Variants in DCC observed in about 807,000 individuals in gnomAD.
The protein encoded by DCC is netrin receptor DCC.
Under a neutral mutation model 172.5 loss-of-function variants are expected in DCC, and 58 were observed. That is an observed-to-expected ratio of 0.34 (90% CI 0.27 to 0.42). DCC has a LOEUF of 0.42. Among genes scored for constraint, DCC ranks in the 10% least tolerant of loss-of-function variants. The probability of loss-of-function intolerance (pLI) is 1.00; values close to 1 mark genes in which losing one functional copy is unlikely to be tolerated. For missense variants in DCC, 1,740 were observed against 1,791.0 expected (o/e 0.97, Z 0.51); for synonymous variants, 709 against 644.5 (o/e 1.10, Z -1.52).
chr18:52,824,077 T>C (rs1055119322), intron 2 of DCC, among the ~76,000 whole-genome samples: 1 of 152,152 alleles, frequency 6.6e-6, no homozygotes, highest in Non-Finnish European at 1.5e-5. Flanking sequence ...CCATGGCCAG[T>C]TGGTATCTTT....
At chr18:52,533,728 T>C (rs539913374) in intron 1 of DCC, among the ~76,000 whole-genome samples, 1 of 151,350 alleles carries the variant, frequency 6.6e-6, no homozygotes, top group East Asian at 1.9e-4. Flanking sequence ...TGTGTGTGAA[T>C]ACAAGTTTTT....
intron 1 of DCC, among the ~76,000 whole-genome samples, chr18:52,430,806 A>G (rs1987595997): frequency 6.6e-6 from 1 of 152,154 alleles, no homozygotes; most frequent in South Asian, 2.1e-4. Context: ...GGGATGGAGA[A>G]AACACTCTCA....
chr18:53,072,178 T>C (rs2042662022), intron 7 of DCC, among the ~76,000 whole-genome samples: 2 of 151,988 alleles, frequency 1.3e-5, no homozygotes, highest in Admixed American at 1.3e-4. Flanking sequence ...GAATAAGAAG[T>C]TTCAGTAGCC....
intron 1 of DCC, among the ~76,000 whole-genome samples, chr18:52,469,050 T>C (rs929020838): frequency 2.0e-5 from 3 of 151,126 alleles, no homozygotes; most frequent in Non-Finnish European, 4.4e-5. Flanking sequence ...TTTATTTATT[T>C]ATTTATTTAT....
intron 18 of DCC, among the ~76,000 whole-genome samples, chr18:53,397,772 C>A (rs868624781): frequency 6.6e-6 from 1 of 152,060 alleles, no homozygotes; most frequent in Non-Finnish European, 1.5e-5. Flanking sequence ...TGGTCCAAAA[C>A]AGTTGTGTCT....
At chr18:53,379,523 T>C (rs1250677199) in intron 15 of DCC, among the ~76,000 whole-genome samples, 1 of 152,210 alleles carries the variant, frequency 6.6e-6, no homozygotes. Flanking sequence ...GAGAAAGACA[T>C]TCATCTCTTA....
chr18:52,812,365 T>A (rs1316295393), intron 2 of DCC, among the ~76,000 whole-genome samples: 5 of 152,238 alleles, frequency 3.3e-5, no homozygotes, highest in African/African-American at 4.8e-5. Flanking sequence ...TAAATTGAGG[T>A]TGACAAGTTA....
intron 1 of DCC, among the ~76,000 whole-genome samples, chr18:52,581,662 T>C (rs757358461): frequency 6.6e-6 from 1 of 152,190 alleles, no homozygotes; most frequent in African/African-American, 2.4e-5. Flanking sequence ...CTATGTTATA[T>C]ACCTCTGATT....
chr18:52,637,629 A>G (rs556274938), intron 1 of DCC, among the ~76,000 whole-genome samples: 25 of 152,358 alleles, frequency 1.6e-4, no homozygotes, highest in African/African-American at 5.0e-4. Context: ...AAAAAAGAGT[A>G]AGAAAATATG....
intron 23 of DCC, among the ~76,000 whole-genome samples, chr18:53,453,479 G>T (rs889728154): frequency 6.6e-6 from 1 of 151,802 alleles, no homozygotes; most frequent in Non-Finnish European, 1.5e-5. Context: ...TGTTTTTTTT[G>T]GGGGACTTGA....
intron 27 of DCC, among the ~76,000 whole-genome samples, chr18:53,510,415 T>G (rs531005804): frequency 1.2e-4 from 18 of 152,318 alleles, no homozygotes; most frequent in African/African-American, 4.3e-4. Context: ...AATGTTTATT[T>G]GAGCAGTCAA....
chr18:53,149,310 A>G (rs536951843), intron 7 of DCC, among the ~76,000 whole-genome samples: 253 of 152,282 alleles, frequency 1.7e-3, no homozygotes, highest in Non-Finnish European at 3.1e-3. Flanking sequence ...TATGCTAGGT[A>G]TGGTGAGCAG....
At chr18:53,016,493 T>A (rs2041809178) in intron 5 of DCC, among the ~76,000 whole-genome samples, 1 of 152,132 alleles carries the variant, frequency 6.6e-6, no homozygotes, top group Non-Finnish European at 1.5e-5. Flanking sequence ...GGTCAAATTT[T>A]AAATAAAAAT....
intron 7 of DCC, among the ~76,000 whole-genome samples, chr18:53,118,000 C>A (rs902917455): frequency 2.6e-5 from 4 of 151,894 alleles, no homozygotes; most frequent in African/African-American, 7.2e-5. Context: ...TCTTTACCAG[C>A]CTCTACGTCA....
intron 1 of DCC, among the ~76,000 whole-genome samples, chr18:52,427,835 TCTTCCTTCCTTC>T (rs1206938130): frequency 0.014 from 652 of 46,016 alleles, 3 homozygotes; most frequent in Non-Finnish European, 0.024. Flanking sequence ...TTCCTTCCTT[TCTTCCTTCCTTC>T]CTTCCTTCCT....
At chr18:53,010,094 A>G (rs2143874681) in intron 5 of DCC, among the ~76,000 whole-genome samples, 1 of 152,078 alleles carries the variant, frequency 6.6e-6, no homozygotes. Context: ...AGTTTAGTTA[A>G]TGTTGCAATT....
rs148757118 is a variant in DCC at position 53,232,365 on chromosome 18, T to G, written c.1911+16768T>G. Among the ~76,000 whole-genome samples the G allele has an allele frequency of 5.3e-5, 8 of 152,282 alleles. 1 individual carries two copies. In the East Asian group the frequency reaches 1.5e-3, roughly 29 times the overall value. On this transcript the variant is annotated intron_variant, in intron 12 of 28. Coordinates refer to ENST00000442544, the MANE Select transcript of DCC (RefSeq NM_005215.4). ...TACCTCTCTCATCTTAAGCACAGCATTATTATTCAGATGTGCTACAATCAC... is the reference window on the plus strand; with the variant it reads ...TACCTCTCTCATCTTAAGCACAGCAGTATTATTCAGATGTGCTACAATCAC...
At chr18:53,152,036 T>C (rs953165519) in intron 7 of DCC, among the ~76,000 whole-genome samples, 2 of 152,176 alleles carry the variant, frequency 1.3e-5, no homozygotes, top group African/African-American at 4.8e-5. Context: ...TGTTTGCTCT[T>C]AGGAAAATTA....
At chr18:52,642,080 A>ACG in intron 1 of DCC, among the ~76,000 whole-genome samples, 1 of 32,880 alleles carries the variant, frequency 3.0e-5, no homozygotes, top group African/African-American at 7.6e-5. Flanking sequence ...ATATATATAT[A>ACG]CACACACACA....
Sources: allele counts gnomAD v4.1 joint callset (sites outside exome capture counted in the v4.1 genomes callset), GRCh38; gene constraint gnomAD v4.1.1; transcripts MANE v1.5; gene names NCBI Gene and HGNC (gene_info 2026-07-23, HGNC 2026-07-21).